NRXN3: variants seen among roughly 807,000 people sequenced by gnomAD.
NRXN3 encodes the protein neurexin 3, also known as neurexin III.
NRXN3 carries 32 observed loss-of-function variants against 137.6 expected under a neutral mutation model. That is an observed-to-expected ratio of 0.23 (90% CI 0.18 to 0.31). NRXN3 has a LOEUF of 0.31. Among genes scored for constraint, NRXN3 ranks in the 10% least tolerant of loss-of-function variants. The probability of loss-of-function intolerance (pLI) is 1.00; values close to 1 mark genes in which losing one functional copy is unlikely to be tolerated. For synonymous variants in NRXN3, 798 were observed against 784.5 expected (o/e 1.02, Z -0.29); for missense variants, 1,574 against 2,062.5 (o/e 0.76, Z 4.59).
intron 19 of NRXN3, among the ~76,000 whole-genome samples, chr14:79,754,337 C>G (rs1363841977): frequency 6.6e-6 from 1 of 151,218 alleles, no homozygotes; most frequent in Non-Finnish European, 1.5e-5. Context: ...GAGCGAGACT[C>G]CATCTCAAAA....
intron 15 of NRXN3, among the ~76,000 whole-genome samples, chr14:79,045,815 C>T (rs986894594): frequency 8.5e-5 from 13 of 152,154 alleles, no homozygotes; most frequent in East Asian, 3.8e-4. Context: ...GATAATGCCT[C>T]GGGACCACCT....
At chr14:78,885,590 A>G (rs189548223) in intron 10 of NRXN3, among the ~76,000 whole-genome samples, 9 of 152,230 alleles carry the variant, frequency 5.9e-5, no homozygotes, top group African/African-American at 1.2e-4. Context: ...CCAAATTTGT[A>G]TGATGTCATC....
At chr14:79,015,516 G>C (rs545432683) in intron 15 of NRXN3, among the ~76,000 whole-genome samples, 9 of 152,238 alleles carry the variant, frequency 5.9e-5, no homozygotes, top group African/African-American at 2.2e-4. Context: ...TCTCTACAGG[G>C]CTTCCTTAAA....
intron 15 of NRXN3, among the ~76,000 whole-genome samples, chr14:78,998,251 C>T (rs1228971007): frequency 1.3e-5 from 2 of 152,114 alleles, no homozygotes; most frequent in Non-Finnish European, 2.9e-5. Flanking sequence ...CCAACCTATT[C>T]TTTTTTACCT....
intron 2 of NRXN3, among the ~76,000 whole-genome samples, chr14:78,266,930 G>A (rs535319527): frequency 1.7e-3 from 266 of 152,262 alleles, no homozygotes; most frequent in Non-Finnish European, 3.2e-3. Flanking sequence ...GGGTTCCCCA[G>A]GTCACTAGAA....
At chr14:79,382,365 G>C (rs1566966672) in intron 15 of NRXN3, among the ~76,000 whole-genome samples, 1 of 152,210 alleles carries the variant, frequency 6.6e-6, no homozygotes. Context: ...AGAGGCAGGA[G>C]CTAGAGGGAA....
chr14:79,685,189 G>A (rs780737336), intron 17 of NRXN3, among the ~76,000 whole-genome samples: 6 of 151,880 alleles, frequency 4.0e-5, no homozygotes, highest in Non-Finnish European at 8.8e-5. Context: ...ATATATTGAG[G>A]GATTATTTTG....
intron 4 of NRXN3, among the ~76,000 whole-genome samples, chr14:78,633,006 C>A (rs1305391414): frequency 4.0e-5 from 6 of 151,668 alleles, no homozygotes; most frequent in Non-Finnish European, 5.9e-5. Flanking sequence ...GAGGCCGAGA[C>A]GGGCAGATCA....
At chr14:79,800,738 C>A (rs567309612) in intron 19 of NRXN3, among the ~76,000 whole-genome samples, 35 of 152,236 alleles carry the variant, frequency 2.3e-4, no homozygotes, top group Admixed American at 9.8e-4. Context: ...TTGCTTACAT[C>A]TGAAAAAGAA....
intron 15 of NRXN3, among the ~76,000 whole-genome samples, chr14:79,175,523 G>A (rs1357126786): frequency 6.6e-6 from 1 of 152,152 alleles, no homozygotes; most frequent in Non-Finnish European, 1.5e-5. Context: ...ACTTTATAGA[G>A]ATCTTTTTAA....
chr14:78,870,233 CA>C (rs1396575532), intron 10 of NRXN3, among the ~76,000 whole-genome samples: 15 of 152,166 alleles, frequency 9.9e-5, no homozygotes, highest in African/African-American at 3.1e-4. Context: ...AAGTTTTGAT[CA>C]AGTAAAAAAG....
rs2098428491 is a variant in NRXN3, at chr14:79,640,798, C to G, written c.3445-22980C>G. On this transcript the variant is annotated intron_variant, in intron 16 of 20. Transcript: ENST00000335750. ...GAGGCTGAGTACAAACAGCATTATC[C>G]TGATGTAAAGGAAACAAAAATAATT... is the stretch of plus-strand genomic sequence containing the variant. Among the ~76,000 whole-genome samples, 2 of 135,006 alleles carry G rather than the reference C, an allele frequency of 1.5e-5. 1 individual carries two copies. The highest frequency in any genetic ancestry group is 3.4e-5 in the Non-Finnish European group (2 of 58,134). The allele number at this position is 135,006 out of a possible 152,430, so 88.6% of individuals were successfully genotyped here.
intron 4 of NRXN3, among the ~76,000 whole-genome samples, chr14:78,421,069 C>T (rs1371463435): frequency 6.6e-6 from 1 of 152,144 alleles, no homozygotes; most frequent in Non-Finnish European, 1.5e-5. Context: ...TCAAGACCAT[C>T]CTGGCCAACA....
At position 79,712,616 on chromosome 14, in the gene NRXN3, T is replaced by A. The variant is rs2098808465; in HGVS notation, c.4014+14679T>A. Among the ~76,000 whole-genome samples, 4 of 152,344 alleles carry A rather than the reference T, an allele frequency of 2.6e-5. No homozygotes were observed. The South Asian group carries it at 8.3e-4, about 32-fold the overall frequency. ...CTGTTTTCCTGTAACTCTTTGTTTG[T>A]TAATGAATACCCTCGTTATCTCGTT... is the stretch of plus-strand genomic sequence containing the variant. On this transcript the variant is annotated intron_variant, in intron 19 of 20. Transcript: ENST00000335750.
chr14:79,637,896 A>ATTATTTT (rs2098413846), intron 16 of NRXN3, among the ~76,000 whole-genome samples: 1 of 148,994 alleles, frequency 6.7e-6, no homozygotes, highest in Non-Finnish European at 1.5e-5. Flanking sequence ...TGCCTGGCTA[A>ATTATTTT]TATTTTTATT....
intron 10 of NRXN3, among the ~76,000 whole-genome samples, chr14:78,817,724 C>G (rs189504166): frequency 5.3e-5 from 8 of 152,236 alleles, no homozygotes; most frequent in Admixed American, 6.5e-5. Flanking sequence ...ACAACCCACT[C>G]TAAAGGGTAC....
chr14:79,586,139 A>T (rs943046769), intron 16 of NRXN3, among the ~76,000 whole-genome samples: 1 of 152,244 alleles, frequency 6.6e-6, no homozygotes, highest in Admixed American at 6.5e-5. Context: ...AGAGTCAATC[A>T]TAATTAGGAT....
At chr14:79,690,514 C>T (rs1338818707) in intron 17 of NRXN3, among the ~76,000 whole-genome samples, 6 of 152,034 alleles carry the variant, frequency 3.9e-5, no homozygotes, top group Admixed American at 3.9e-4. Context: ...TTTTTCAATA[C>T]ATTAATATGT....
intron 4 of NRXN3, among the ~76,000 whole-genome samples, chr14:78,463,746 C>A (rs1341917132): frequency 3.6e-5 from 5 of 139,246 alleles, no homozygotes; most frequent in African/African-American, 1.3e-4. Context: ...CCACAGAATT[C>A]TCTTCCTGTT....
Sources: gnomAD v4.1 joint callset for allele counts (sites outside exome capture counted in the v4.1 genomes callset) on GRCh38, gnomAD v4.1.1 for gene constraint, MANE v1.5 for transcripts, NCBI Gene and HGNC (gene_info 2026-07-23, HGNC 2026-07-21) for gene names.